The following PIGL variants were observed in gnomAD, a reference collection of about 807,000 sequenced individuals.
PIGL encodes phosphatidylinositol glycan anchor biosynthesis class L, also known as N-acetylglucosaminyl-phosphatidylinositol de-N-acetylase.
PIGL carries 22 observed loss-of-function variants against 31.1 expected under a neutral mutation model. The ratio of observed to expected loss-of-function variants is 0.71; its 90% confidence interval spans 0.51 to 1.01. The LOEUF (loss-of-function observed/expected upper bound fraction) is 1.01, where lower values mean the gene tolerates loss of function less well. Among genes scored for constraint, PIGL ranks in the 50% least tolerant of loss-of-function variants. PIGL has a pLI of 0.00. For synonymous variants in PIGL, 131 were observed against 117.4 expected (o/e 1.12, Z -0.75); for missense variants, 302 against 315.9 (o/e 0.96, Z 0.33).
intron 3 of PIGL, among the ~76,000 whole-genome samples, chr17:16,306,058 C>T (rs561638489): frequency 9.7e-4 from 148 of 152,278 alleles, no homozygotes; most frequent in South Asian, 2.1e-3. Context: ...AAGCAAATCT[C>T]CTGCCTCAGC....
At chr17:16,236,120 T>C (rs557792230) in intron 2 of PIGL, among the ~76,000 whole-genome samples, 13 of 152,304 alleles carry the variant, frequency 8.5e-5, no homozygotes, top group African/African-American at 2.4e-4. Context: ...CTATGTATAA[T>C]AATTTGAAAC....
chr17:16,317,818 G>A lies in PIGL; in HGVS notation c.570G>A (p.Lys190=). Residue 190 remains lysine (K), a synonymous_variant, in exon 6 of 7, where the codon AAG becomes AAA. Coordinates refer to ENST00000225609, the MANE Select transcript of PIGL (RefSeq NM_004278.4). ...TTCAGTCTGTGAATGTGCTGCGCAA[G>A]TACATCTCCCTTCTGGATCTGCCCT... The part of the protein sequence containing the change: ...LTLQSVNVLR[K]YISLLDLPLS... 1 of 1,614,162 alleles carries A rather than the reference G, an allele frequency of 6.2e-7. No individual in the cohort carries two copies. The highest frequency in any genetic ancestry group is 8.5e-7 in the Non-Finnish European group (1 of 1,180,046).
chr17:16,310,286 AGTGTGTGTGTGTGTGTGTGT>A (rs10522327), intron 3 of PIGL, among the ~76,000 whole-genome samples: 2 of 146,270 alleles, frequency 1.4e-5, no homozygotes, highest in Admixed American at 6.9e-5. Context: ...ATTATTAAAA[AGTGTGTGTGTGTGTGTGTGT>A]GTGTGTGTGT....
Position 16,236,780 on chromosome 17 carries a change from G to A in PIGL, c.335+2710G>A, listed in dbSNP as rs551547746. Among the ~76,000 whole-genome samples the A allele has an allele frequency of 2.0e-5, 3 of 152,160 alleles. No homozygotes were observed. In the East Asian group the frequency reaches 5.8e-4, roughly 29 times the overall value. ...ACAGGGGTTTCACCATGTTGGTCAG[G>A]CTGGTCTCGAACTCCTGACCTCAGG... On this transcript the variant is annotated intron_variant, in intron 2 of 6. Transcript: ENST00000225609.
chr17:16,235,146 C>T lies in PIGL; in HGVS notation c.335+1076C>T, dbSNP rs73978819. On this transcript the variant is annotated intron_variant, in intron 2 of 6. Coordinates refer to ENST00000225609, the MANE Select transcript of PIGL (RefSeq NM_004278.4). ...GGGACACTTTTCATCTAGCTACAGACAGCCATTATCATTACATCTAACAAT... is the reference window on the plus strand; with the variant it reads ...GGGACACTTTTCATCTAGCTACAGATAGCCATTATCATTACATCTAACAAT... 7.2e-3 allele frequency among the ~76,000 whole-genome samples: 1,096 copies of T among 152,278 alleles called. 13 individuals are homozygous for T. Among genetic ancestry groups the T allele is most frequent in the African/African-American group, 0.025 (1,055 of 41,548 alleles).
chr17:16,228,547 C>T (rs569499253), intron 1 of PIGL, among the ~76,000 whole-genome samples: 1 of 152,176 alleles, frequency 6.6e-6, no homozygotes, highest in East Asian at 1.9e-4. Flanking sequence ...CGCCACCACG[C>T]CCGGCTAATT....
intron 2 of PIGL, among the ~76,000 whole-genome samples, chr17:16,249,193 T>C (rs1286757686): frequency 6.6e-6 from 1 of 152,180 alleles, no homozygotes; most frequent in Admixed American, 6.5e-5. Flanking sequence ...TGTACACCAT[T>C]CTGGCTGGGC....
intron 2 of PIGL, among the ~76,000 whole-genome samples, chr17:16,299,180 C>G (rs764686098): frequency 4.8e-4 from 72 of 151,568 alleles, no homozygotes; most frequent in South Asian, 1.5e-3. Flanking sequence ...TGTACTCCAG[C>G]CTAGGCGACA....
chr17:16,245,816 A>ATTTT (rs200265120), intron 2 of PIGL, among the ~76,000 whole-genome samples: 9 of 105,462 alleles, frequency 8.5e-5, no homozygotes, highest in African/African-American at 3.7e-4. Context: ...ATATATATAT[A>ATTTT]TATATTTTTT....
chr17:16,226,348 A>G (rs2092652257), intron 1 of PIGL, among the ~76,000 whole-genome samples: 1 of 152,192 alleles, frequency 6.6e-6, no homozygotes, highest in Non-Finnish European at 1.5e-5. Context: ...GTCAGCCAGA[A>G]CATCCACATA....
At chr17:16,313,085 C>T (rs1308650823) in intron 3 of PIGL, among the ~76,000 whole-genome samples, 3 of 152,158 alleles carry the variant, frequency 2.0e-5, no homozygotes, top group Non-Finnish European at 4.4e-5. Context: ...TGAATAAATA[C>T]ACTTTTTCCA....
At chr17:16,230,622 C>CTTTT (rs764511731) in intron 1 of PIGL, among the ~76,000 whole-genome samples, 1 of 144,222 alleles carries the variant, frequency 6.9e-6, no homozygotes, top group African/African-American at 2.5e-5. Context: ...GTCATAATCA[C>CTTTT]TTTTTTTTTT....
At chr17:16,266,039 A>C (rs1437160388) in intron 2 of PIGL, among the ~76,000 whole-genome samples, 1 of 152,100 alleles carries the variant, frequency 6.6e-6, no homozygotes, top group Admixed American at 6.6e-5. Context: ...ACACACCAAG[A>C]TAAAGTATCT....
chr17:16,277,654 T>A (rs1300738596), intron 2 of PIGL, among the ~76,000 whole-genome samples: 3 of 152,188 alleles, frequency 2.0e-5, no homozygotes, highest in African/African-American at 7.2e-5. Flanking sequence ...ATTTACAAAG[T>A]TATTAGAAAC....
At chr17:16,221,769 G>A (rs1176484678) in intron 1 of PIGL, among the ~76,000 whole-genome samples, 4 of 152,070 alleles carry the variant, frequency 2.6e-5, no homozygotes, top group African/African-American at 7.2e-5. Flanking sequence ...ACAGGTGCCC[G>A]CCACTATGCC....
chr17:16,228,515 A>T, intron 1 of PIGL, among the ~76,000 whole-genome samples: 1 of 151,932 alleles, frequency 6.6e-6, no homozygotes, highest in Non-Finnish European at 1.5e-5. Context: ...CAGCCTCCCG[A>T]GTAGCTGGGA....
chr17:16,240,888 G>C (rs2092719969), intron 2 of PIGL, among the ~76,000 whole-genome samples: 1 of 149,056 alleles, frequency 6.7e-6, no homozygotes, highest in African/African-American at 2.5e-5. Flanking sequence ...GGGGTGGGGG[G>C]CAGATCACCT....
At chr17:16,279,774 T>C (rs548672529) in intron 2 of PIGL, 1 of 152,310 alleles carries the variant, frequency 6.6e-6, no homozygotes, top group East Asian at 1.9e-4. Context: ...AGGCTTGAAG[T>C]GGACTAGTAT....
At chr17:16,274,731 A>T (rs1204480048) in intron 2 of PIGL, among the ~76,000 whole-genome samples, 1 of 151,218 alleles carries the variant, frequency 6.6e-6, no homozygotes, top group African/African-American at 2.4e-5. Flanking sequence ...CTCAAAAAAA[A>T]AAAGAAAGTA....
Sources: allele counts gnomAD v4.1 joint callset (sites outside exome capture counted in the v4.1 genomes callset), GRCh38; gene constraint gnomAD v4.1.1; transcripts MANE v1.5; gene names NCBI Gene and HGNC (gene_info 2026-07-23, HGNC 2026-07-21).